The following ADAMTSL1 variants were observed in gnomAD, a reference collection of about 807,000 sequenced individuals.
ADAMTSL1 encodes the protein ADAMTS like 1, also known as ADAMTS-like protein 1.
A neutral mutation model predicts 201.8 loss-of-function variants in ADAMTSL1; 126 were observed. That is an observed-to-expected ratio of 0.62 (90% CI 0.54 to 0.72). The LOEUF is 0.72. Among genes scored for constraint, ADAMTSL1 ranks in the 30% least tolerant of loss-of-function variants. ADAMTSL1 has a pLI of 0.00. For missense variants in ADAMTSL1, 2,679 were observed against 2,277.8 expected (o/e 1.18, Z -3.59); for synonymous variants, 1,121 against 903.4 (o/e 1.24, Z -4.32).
At chr9:17,913,077 C>T (rs1228780095) in intron 1 of ADAMTSL1, among the ~76,000 whole-genome samples, 1 of 152,098 alleles carries the variant, frequency 6.6e-6, no homozygotes, top group Non-Finnish European at 1.5e-5. Flanking sequence ...GTACCAGTAC[C>T]ATGCTGTTTT....
chr9:17,914,773 A>C (rs201131918), intron 1 of ADAMTSL1, among the ~76,000 whole-genome samples: 174 of 151,206 alleles, frequency 1.2e-3, no homozygotes, highest in Middle Eastern at 3.4e-3. Context: ...CTAGAAAACC[A>C]CATTGTCTCA....
In ADAMTSL1 at chr9:18,795,477, C is replaced by T. The variant is rs575769101; in HGVS notation, c.3758C>T (p.Thr1253Ile). The change falls in exon 20 of 29, where the codon ACC becomes ATC. Residue 1253 changes from threonine (T) to isoleucine (I), a missense_variant. Coordinates refer to ENST00000380548, the MANE Select transcript of ADAMTSL1 (RefSeq NM_001040272.6). ...ADVGFYTCNA[T>I]NALGYDSVSI... is the part of the protein sequence containing the mutation. ...GTGGGTTTCTACACTTGCAATGCCA[C>T]CAATGCCTTGGGATACGACTCTGTC... 1 of 1,613,826 alleles carries T rather than the reference C, an allele frequency of 6.2e-7. No homozygotes were observed. Among genetic ancestry groups the T allele is most frequent in the East Asian group, 2.2e-5 (1 of 44,878 alleles).
At chr9:18,615,384 A>G (rs375983225) in intron 4 of ADAMTSL1, among the ~76,000 whole-genome samples, 1 of 152,206 alleles carries the variant, frequency 6.6e-6, no homozygotes, top group East Asian at 1.9e-4. Context: ...TTCACTTGCT[A>G]TATGTGCTTC....
intron 1 of ADAMTSL1, among the ~76,000 whole-genome samples, chr9:18,132,370 T>C (rs751206520): frequency 6.6e-6 from 1 of 152,146 alleles, no homozygotes; most frequent in Non-Finnish European, 1.5e-5. Flanking sequence ...TCACATTGTG[T>C]CCAACCATTA....
At chr9:18,039,144 T>G (rs921541904) in intron 1 of ADAMTSL1, among the ~76,000 whole-genome samples, 2 of 152,282 alleles carry the variant, frequency 1.3e-5, no homozygotes, top group African/African-American at 4.8e-5. Context: ...ACTAAATAGT[T>G]CAGGCCATTA....
intron 4 of ADAMTSL1, among the ~76,000 whole-genome samples, chr9:18,607,154 A>G (rs1345544921): frequency 6.6e-6 from 1 of 152,244 alleles, no homozygotes; most frequent in Non-Finnish European, 1.5e-5. Context: ...GCATGTTCAT[A>G]AAAATTCTTC....
chr9:18,404,929 A>G (rs1367120272), intron 2 of ADAMTSL1, among the ~76,000 whole-genome samples: 1 of 151,918 alleles, frequency 6.6e-6, no homozygotes, highest in African/African-American at 2.4e-5. Context: ...TCTTTGGTTC[A>G]TCTCTCTCTG....
At chr9:17,968,585 A>G (rs1409966633) in intron 1 of ADAMTSL1, among the ~76,000 whole-genome samples, 2 of 152,086 alleles carry the variant, frequency 1.3e-5, no homozygotes, top group Non-Finnish European at 2.9e-5. Context: ...CACCATTGGC[A>G]TTGTAGTTAG....
chr9:18,177,120 T>C (rs762764840), intron 2 of ADAMTSL1, among the ~76,000 whole-genome samples: 21 of 152,240 alleles, frequency 1.4e-4, no homozygotes, highest in Admixed American at 1.2e-3. Context: ...TACAATTTAG[T>C]AAATTGGTTT....
intron 23 of ADAMTSL1, among the ~76,000 whole-genome samples, chr9:18,842,142 T>A (rs954650316): frequency 2.1e-4 from 32 of 152,238 alleles, no homozygotes; most frequent in African/African-American, 7.7e-4. Context: ...GGTGTCAATT[T>A]TGGATCTTTC....
At chr9:18,656,529 T>A in intron 7 of ADAMTSL1, among the ~76,000 whole-genome samples, 1 of 146,774 alleles carries the variant, frequency 6.8e-6, no homozygotes, top group East Asian at 2.0e-4. Flanking sequence ...CTCGGGAGGC[T>A]GAGGCAGAAG....
intron 2 of ADAMTSL1, among the ~76,000 whole-genome samples, chr9:18,444,012 G>A (rs1283306017): frequency 6.6e-6 from 1 of 152,188 alleles, no homozygotes; most frequent in Non-Finnish European, 1.5e-5. Context: ...ATTTAAGTAA[G>A]AGGAACAACT....
intron 2 of ADAMTSL1, among the ~76,000 whole-genome samples, chr9:18,466,202 G>T (rs909392129): frequency 6.6e-6 from 1 of 152,276 alleles, no homozygotes; most frequent in African/African-American, 2.4e-5. Flanking sequence ...TAACTTCTAG[G>T]AAATTGCACA....
At chr9:18,842,380 T>A (rs1825777440) in intron 23 of ADAMTSL1, among the ~76,000 whole-genome samples, 1 of 152,230 alleles carries the variant, frequency 6.6e-6, no homozygotes, top group African/African-American at 2.4e-5. Flanking sequence ...AGTTCTAGTT[T>A]GATTGCACTG....
intron 5 of ADAMTSL1, among the ~76,000 whole-genome samples, chr9:18,632,542 A>G (rs58809277): frequency 0.021 from 3,149 of 152,190 alleles, 117 homozygotes; most frequent in African/African-American, 0.071. Flanking sequence ...TGTGGGGTGT[A>G]GTATTTTGTA....
At chr9:18,557,691 C>T (rs766864916) in intron 3 of ADAMTSL1, among the ~76,000 whole-genome samples, 1 of 152,048 alleles carries the variant, frequency 6.6e-6, no homozygotes, top group Non-Finnish European at 1.5e-5. Context: ...CAGTCTTCTA[C>T]AAGCGGTCCA....
intron 4 of ADAMTSL1, among the ~76,000 whole-genome samples, chr9:18,616,034 T>C (rs908577914): frequency 4.0e-5 from 6 of 150,970 alleles, no homozygotes; most frequent in African/African-American, 1.5e-4. Flanking sequence ...AAAAATTGCT[T>C]TTTTTTTTGG....
intron 2 of ADAMTSL1, among the ~76,000 whole-genome samples, chr9:18,289,597 A>G (rs1488099378): frequency 1.3e-5 from 2 of 152,230 alleles, no homozygotes; most frequent in Non-Finnish European, 2.9e-5. Flanking sequence ...CCAGGACTTT[A>G]TCTGCAATCA....
intron 1 of ADAMTSL1, among the ~76,000 whole-genome samples, chr9:18,075,419 G>T: frequency 6.6e-6 from 1 of 152,138 alleles, no homozygotes; most frequent in East Asian, 1.9e-4. Flanking sequence ...CCACAAGTAC[G>T]TTGGGACTCA....
Sources: allele counts gnomAD v4.1 joint callset (sites outside exome capture counted in the v4.1 genomes callset), GRCh38; gene constraint gnomAD v4.1.1; transcripts MANE v1.5; gene names NCBI Gene and HGNC (gene_info 2026-07-23, HGNC 2026-07-21).